The following ARFGAP3 variants were observed in gnomAD, a reference collection of about 807,000 sequenced individuals.
ARFGAP3 encodes ARF GTPase activating protein 3, also known as ADP-ribosylation factor GTPase-activating protein 3.
ARFGAP3 carries 72 observed loss-of-function variants against 75.0 expected under a neutral mutation model. The observed-to-expected ratio is 0.96, with a 90% confidence interval of 0.79 to 1.17. The LOEUF is 1.17. Ranked by LOEUF, ARFGAP3 falls within the 50% of genes most tolerant of loss-of-function variation. The pLI is 0.00. For synonymous variants in ARFGAP3, 221 were observed against 217.9 expected (o/e 1.01, Z -0.13); for missense variants, 620 against 626.6 (o/e 0.99, Z 0.11).
intron 14 of ARFGAP3, among the ~76,000 whole-genome samples, chr22:42,799,450 T>C (rs975112638): frequency 1.3e-5 from 2 of 152,204 alleles, no homozygotes; most frequent in African/African-American, 4.8e-5. Context: ...AGTTCCTTGC[T>C]CTCTCTGGGC....
intron 3 of ARFGAP3, among the ~76,000 whole-genome samples, chr22:42,836,909 G>T (rs886776553): frequency 6.6e-6 from 1 of 152,138 alleles, no homozygotes; most frequent in Non-Finnish European, 1.5e-5. Flanking sequence ...ACAGAGTTAG[G>T]ATTCAAATAC....
intron 2 of ARFGAP3, among the ~76,000 whole-genome samples, chr22:42,846,842 G>A (rs1045290714): frequency 9.2e-5 from 14 of 152,124 alleles, no homozygotes; most frequent in South Asian, 2.1e-4. Context: ...GACATAAATC[G>A]GTTTTTCATT....
At chr22:42,851,410 C>G (rs1569176949) in intron 1 of ARFGAP3, among the ~76,000 whole-genome samples, 2 of 152,224 alleles carry the variant, frequency 1.3e-5, no homozygotes, top group African/African-American at 4.8e-5. Context: ...TGGCATCCTC[C>G]GGACCCATCA....
intron 6 of ARFGAP3, among the ~76,000 whole-genome samples, chr22:42,828,308 C>T (rs1273241021): frequency 5.9e-5 from 9 of 151,732 alleles, no homozygotes; most frequent in Admixed American, 3.3e-4. Flanking sequence ...CCTGTAATCC[C>T]GGCACTTTGG....
chr22:42,848,185 T>C (rs997315531), intron 1 of ARFGAP3, among the ~76,000 whole-genome samples: 2 of 151,124 alleles, frequency 1.3e-5, no homozygotes, highest in South Asian at 4.2e-4. Flanking sequence ...TTATACAGTA[T>C]ATTACAGATT....
At chr22:42,837,620 CAAAA>C (rs574222602) in intron 3 of ARFGAP3, among the ~76,000 whole-genome samples, 1 of 66,552 alleles carries the variant, frequency 1.5e-5, no homozygotes, top group Non-Finnish European at 2.5e-5. Context: ...GACTCTATCT[CAAAA>C]AAAAAAAAAA....
chr22:42,853,374 G>T, intron 1 of ARFGAP3: 1 of 215,352 alleles, frequency 4.6e-6, no homozygotes, highest in South Asian at 8.4e-5. Context: ...GAAGAAAGCT[G>T]GGTCTTTTGG....
chr22:42,841,000 A>C lies in ARFGAP3; in HGVS notation c.205T>G (p.Ser69Ala), dbSNP rs746109886. The change falls in exon 3 of 16, where the codon TCC becomes GCC. Residue 69 changes from serine (S) to alanine (A), a missense_variant. Physicochemically the swap from Ser to Ala is moderately conservative, Grantham distance 99. Transcript: ENST00000263245. Reference protein sequence around the residue: ...LSFIRSTELDSNWSWFQLRCM... With the variant: ...LSFIRSTELDANWSWFQLRCM... ...CGCAACTGAAACCATGACCAGTTGG[A>C]ATCCAACTCTGTAGATCTAAATGGA... 1 of 1,614,168 alleles carries C rather than the reference A, an allele frequency of 6.2e-7. No homozygotes were observed. The highest frequency in any genetic ancestry group is 2.2e-5 in the East Asian group (1 of 44,888).
chr22:42,840,978 A>C lies in ARFGAP3; in HGVS notation c.227T>G (p.Leu76Trp), dbSNP rs1305008191. 3 of 1,614,090 alleles carry C rather than the reference A, an allele frequency of 1.9e-6. No individual in the cohort carries two copies. Among genetic ancestry groups the C allele is most frequent in the Non-Finnish European group, 1.7e-6 (2 of 1,180,028 alleles). The part of the protein sequence containing the change: ...ELDSNWSWFQ[L>W]RCMQVGGNAS... ...GTTTCCTCCGACTTGCATGCATCGCAACTGAAACCATGACCAGTTGGAATC... is the reference window on the plus strand; with the variant it reads ...GTTTCCTCCGACTTGCATGCATCGCCACTGAAACCATGACCAGTTGGAATC... Residue 76 changes from leucine to tryptophan, a missense_variant, in exon 3 of 16, where the codon TTG (leucine) becomes TGG (tryptophan). Coordinates refer to ENST00000263245, the MANE Select transcript of ARFGAP3 (RefSeq NM_014570.5).
intron 9 of ARFGAP3, among the ~76,000 whole-genome samples, chr22:42,821,436 C>T (rs528056847): frequency 9.2e-5 from 14 of 152,322 alleles, no homozygotes; most frequent in African/African-American, 3.4e-4. Flanking sequence ...TCTGTCTCTA[C>T]GGATTTGCCT....
At chr22:42,852,896 C>T (rs1316780387) in intron 1 of ARFGAP3, among the ~76,000 whole-genome samples, 3 of 152,120 alleles carry the variant, frequency 2.0e-5, no homozygotes, top group East Asian at 3.9e-4. Context: ...TCCCGAACAG[C>T]TGAGATTACA....
intron 1 of ARFGAP3, among the ~76,000 whole-genome samples, chr22:42,855,637 C>T (rs1602140508): frequency 6.6e-6 from 1 of 151,486 alleles, no homozygotes. Flanking sequence ...GAGCTGAGAT[C>T]GCACCACTGC....
In ARFGAP3 at chr22:42,810,806, T is replaced by C. The variant is rs762004960; in HGVS notation, c.1196+7A>G. On this transcript the variant is annotated splice_region_variant and intron_variant, in intron 12 of 15. Transcript: ENST00000263245. ...ACTACTACAACCCCACAGTTTTGCA[T>C]TCATACCTGTCTGAATAGCCTGTGG... is the stretch of plus-strand genomic sequence containing the variant. The C allele has an allele frequency of 9.9e-6, 16 of 1,611,938 alleles. No homozygotes were observed. Among genetic ancestry groups the C allele is most frequent in the Non-Finnish European group, 7.6e-6 (9 of 1,178,554 alleles).
At chr22:42,849,090 AGAG>A (rs1927153206) in intron 1 of ARFGAP3, among the ~76,000 whole-genome samples, 1 of 152,158 alleles carries the variant, frequency 6.6e-6, no homozygotes, top group Non-Finnish European at 1.5e-5. Context: ...GCCAGCGAGG[AGAG>A]GAGGCCTGCC....
chr22:42,812,278 C>T lies in ARFGAP3; in HGVS notation c.1065-1334G>A, dbSNP rs1925401617. ...TGTGCCATGCCAGAATTCACGATAG[C>T]TTAGGATGGAAAAGCAGTCTGGCCA... On this transcript the variant is annotated intron_variant, in intron 11 of 15. Transcript: ENST00000263245. Among the ~76,000 whole-genome samples, 3 of 147,568 alleles carry T rather than the reference C, an allele frequency of 2.0e-5. No individual in the cohort carries two copies. In the South Asian group the frequency reaches 6.5e-4, roughly 32 times the overall value.
intron 13 of ARFGAP3, 187 bp from the exon 14 acceptor site, chr22:42,807,350 G>GCCTCCCAT: frequency 3.8e-6 from 3 of 792,082 alleles, no homozygotes; most frequent in Non-Finnish European, 4.6e-6. Flanking sequence ...CTGCATGGGA[G>GCCTCCCAT]GCAGGTCACA....
Position 42,831,646 on chromosome 22 carries a change from G to T in ARFGAP3, c.478-10C>A, listed in dbSNP as rs775681339. 6.2e-7 allele frequency: 1 copy of T among 1,613,750 alleles called. No individual in the cohort carries two copies. The highest frequency in any genetic ancestry group is 1.7e-5 in the Admixed American group (1 of 59,948). ...ACGCTGTGTCACTCACCTGAAACAA[G>T]GCGAGAAAAGTCATTAGCAGACAAA... On this transcript the variant is annotated splice_polypyrimidine_tract_variant and intron_variant, in intron 5 of 15. Coordinates refer to ENST00000263245, the MANE Select transcript of ARFGAP3 (RefSeq NM_014570.5).
At chr22:42,813,890 G>A (rs917150526) in intron 11 of ARFGAP3, among the ~76,000 whole-genome samples, 1 of 152,134 alleles carries the variant, frequency 6.6e-6, no homozygotes, top group Admixed American at 6.5e-5. Flanking sequence ...CTAATGTTTT[G>A]ATTGTATAGC....
At chr22:42,804,945 C>T (rs1307807326) in intron 14 of ARFGAP3, among the ~76,000 whole-genome samples, 1 of 152,170 alleles carries the variant, frequency 6.6e-6, no homozygotes, top group East Asian at 1.9e-4. Context: ...ACACACAAAG[C>T]TCTTTGTTGA....
Sources: gnomAD v4.1 joint callset for allele counts (sites outside exome capture counted in the v4.1 genomes callset) on GRCh38, gnomAD v4.1.1 for gene constraint, MANE v1.5 for transcripts, NCBI Gene and HGNC (gene_info 2026-07-23, HGNC 2026-07-21) for gene names.